Variants in RBPMS observed in about 807,000 individuals in gnomAD.
RBPMS encodes the protein RNA-binding protein with multiple splicing.
A neutral mutation model predicts 26.8 loss-of-function variants in RBPMS; 7 were observed. The observed-to-expected ratio is 0.26, with a 90% CI of 0.15 to 0.49. The LOEUF is 0.49. Among genes scored for constraint, RBPMS ranks in the 20% least tolerant of loss-of-function variants. The pLI is 0.98. For missense variants in RBPMS, 186 were observed against 250.0 expected, an observed-to-expected ratio of 0.74 and a Z score of 1.73; for synonymous variants, 96 against 93.3, an observed-to-expected ratio of 1.03 and a Z score of -0.17.
chr8:30,480,829 T>C (rs986657485), intron 4 of RBPMS, among the ~76,000 whole-genome samples: 1 of 152,264 alleles, frequency 6.6e-6, no homozygotes, highest in African/African-American at 2.4e-5. Context: ...TAGCAGTGTT[T>C]TATTTTAACC....
intron 4 of RBPMS, among the ~76,000 whole-genome samples, chr8:30,480,936 A>G (rs1818205036): frequency 6.6e-6 from 1 of 152,238 alleles, no homozygotes; most frequent in African/African-American, 2.4e-5. Flanking sequence ...TTACAAAGGA[A>G]GTAACAAGCA....
intron 6 of RBPMS, chr8:30,547,568 C>A: frequency 8.1e-7 from 1 of 1,231,778 alleles, no homozygotes; most frequent in African/African-American, 1.5e-5. Context: ...AATTTTGGAG[C>A]AAAGGTGTTA....
chr8:30,421,782 C>T (rs1325405977), intron 1 of RBPMS, among the ~76,000 whole-genome samples: 3 of 152,004 alleles, frequency 2.0e-5, no homozygotes, highest in Non-Finnish European at 4.4e-5. Flanking sequence ...TGGTGAAATC[C>T]CGTCTCTACT....
chr8:30,523,301 C>T (rs538884572), intron 5 of RBPMS, among the ~76,000 whole-genome samples: 22 of 151,244 alleles, frequency 1.5e-4, no homozygotes, highest in South Asian at 1.3e-3. Flanking sequence ...TGCTTGAACC[C>T]GAGAGGCGGA....
At position 30,504,161 on chromosome 8, in the gene RBPMS, A is replaced by G; in HGVS notation, c.247-125A>G. 3.3e-6 allele frequency: 3 copies of G among 904,636 alleles called. No individual in the cohort carries two copies. In the East Asian group the frequency reaches 7.2e-5, roughly 22 times the overall value. 56.0% of individuals were successfully genotyped at this position (904,636 alleles called of 1,614,324 possible). On this transcript the variant is annotated intron_variant, in intron 4 of 8. Coordinates refer to ENST00000397323, the MANE Select transcript of RBPMS (RefSeq NM_001008710.3). ...TCATGTAACCTGTGTAAGTAGTAAG[A>G]ATGAGAGTGGTTGCTGACCTTTTTT...
At position 30,544,570 on chromosome 8, in the gene RBPMS, A is replaced by G. The variant is rs781255393; in HGVS notation, c.474A>G (p.Leu158=). The G allele has an allele frequency of 9.9e-6, 16 of 1,614,184 alleles. No individual in the cohort carries two copies. The Admixed American group carries it at 2.7e-4, about 27-fold the overall frequency. ...WAPYPLYPAE[L]APALPPPAFT... Reference sequence around the variant, plus strand: ...CGTACCCTCTGTACCCAGCGGAGTTAGCGCCTGCTCTACCTCCTCCTGCTT... The same window carrying G: ...CGTACCCTCTGTACCCAGCGGAGTTGGCGCCTGCTCTACCTCCTCCTGCTT... Residue 158 remains leucine, a synonymous_variant, in exon 6 of 9, where the codon TTA becomes TTG. Coordinates refer to ENST00000397323, the MANE Select transcript of RBPMS (RefSeq NM_001008710.3).
At chr8:30,496,205 G>T (rs1475184160) in intron 4 of RBPMS, among the ~76,000 whole-genome samples, 1 of 144,292 alleles carries the variant, frequency 6.9e-6, no homozygotes, top group Non-Finnish European at 1.5e-5. Flanking sequence ...GTCTTGCTCT[G>T]TCTCCCAGGC....
intron 1 of RBPMS, among the ~76,000 whole-genome samples, chr8:30,425,949 G>C (rs1811310467): frequency 6.6e-6 from 1 of 152,180 alleles, no homozygotes; most frequent in Non-Finnish European, 1.5e-5. Flanking sequence ...CCAGGCGGCT[G>C]CTGACTCTTA....
chr8:30,533,952 T>C (rs1273221013), intron 5 of RBPMS, among the ~76,000 whole-genome samples: 1 of 151,956 alleles, frequency 6.6e-6, no homozygotes, highest in Non-Finnish European at 1.5e-5. Context: ...GCCTACATGA[T>C]TGAAACCCCG....
In RBPMS at chr8:30,437,406, G is replaced by A. The variant is rs907496805; in HGVS notation, c.67-37373G>A. ...GTGGTGGCTCATGCCTGTAATCCCA[G>A]CACTTTGGGAGGCTGAGGCAACAGG... is the stretch of plus-strand genomic sequence containing the variant. On this transcript the variant is annotated intron_variant, in intron 1 of 8. Transcript: ENST00000397323. 2.0e-5 allele frequency among the ~76,000 whole-genome samples: 3 copies of A among 151,714 alleles called. No homozygotes were observed. In the East Asian group the frequency reaches 5.9e-4, roughly 30 times the overall value.
chr8:30,476,014 A>G (rs1196505884), intron 2 of RBPMS, among the ~76,000 whole-genome samples: 3 of 152,142 alleles, frequency 2.0e-5, no homozygotes, highest in Non-Finnish European at 2.9e-5. Context: ...AAAAAGGACC[A>G]TTTTTCTATC....
Position 30,385,103 on chromosome 8 carries a change from G to A in RBPMS, c.11G>A (p.Gly4Asp). 2 of 1,524,846 alleles carry A rather than the reference G, an allele frequency of 1.3e-6. No homozygotes were observed. Among genetic ancestry groups the A allele is most frequent in the Non-Finnish European group, 1.8e-6 (2 of 1,137,510 alleles). The allele number at this position is 1,524,846 out of a possible 1,614,324, so 94.5% of individuals were successfully genotyped here. ...GGAAGGACCGGGAAGATGAACAACG[G>A]CGGCAAAGCCGAGAAGGAGAACACC... MNN[G>D]GKAEKENTPS... Residue 4 changes from glycine (G) to aspartate (D), a missense_variant, in exon 1 of 9, where the codon GGC becomes GAC. Around this residue, in one of 3 missense-constraint regions of RBPMS, gnomAD observed 38 missense variants for 27.8 expected, o/e 1.37. Coordinates refer to ENST00000397323, the MANE Select transcript of RBPMS (RefSeq NM_001008710.3).
intron 5 of RBPMS, among the ~76,000 whole-genome samples, chr8:30,521,876 C>T (rs1823074257): frequency 6.6e-6 from 1 of 152,052 alleles, no homozygotes; most frequent in African/African-American, 2.4e-5. Flanking sequence ...TTACCACATC[C>T]TCCAAAATCA....
In RBPMS at chr8:30,480,752, C is replaced by T. The variant is rs539465160; in HGVS notation, c.246+1375C>T. On this transcript the variant is annotated intron_variant, in intron 4 of 8. Coordinates refer to ENST00000397323, the MANE Select transcript of RBPMS (RefSeq NM_001008710.3). ...TGTTTTATGATTTTTGCATTGAATA[C>T]GTAAAAACCAGAATTTTCTCAGTAT... 1.2e-4 allele frequency among the ~76,000 whole-genome samples: 19 copies of T among 152,270 alleles called. 1 individual carries two copies. Among genetic ancestry groups the T allele is most frequent in the Non-Finnish European group, 4.4e-5 (3 of 68,018 alleles).
intron 6 of RBPMS, among the ~76,000 whole-genome samples, chr8:30,551,673 T>C (rs532746778): frequency 6.6e-6 from 1 of 152,262 alleles, no homozygotes; most frequent in Non-Finnish European, 1.5e-5. Flanking sequence ...CCGTCTGCGC[T>C]CGGCTCTTCC....
intron 5 of RBPMS, among the ~76,000 whole-genome samples, chr8:30,518,170 T>G (rs969679673): frequency 5.9e-5 from 9 of 152,094 alleles, no homozygotes; most frequent in Non-Finnish European, 1.0e-4. Context: ...ATGGAGACGT[T>G]TCTTGTGTTT....
chr8:30,511,487 ATATAT>A (rs1203064778), intron 5 of RBPMS, among the ~76,000 whole-genome samples: 18 of 12,688 alleles, frequency 1.4e-3, no homozygotes, highest in African/African-American at 3.0e-3. Flanking sequence ...AAAAAAAAAA[ATATAT>A]ATATATATAT....
chr8:30,538,572 C>T (rs1825054837), intron 5 of RBPMS, among the ~76,000 whole-genome samples: 1 of 152,154 alleles, frequency 6.6e-6, no homozygotes, highest in Non-Finnish European at 1.5e-5. Flanking sequence ...TTTTCATTAG[C>T]TTCTTTCATA....
chr8:30,441,947 G>C (rs1172145137), intron 1 of RBPMS, among the ~76,000 whole-genome samples: 1 of 152,020 alleles, frequency 6.6e-6, no homozygotes, highest in Admixed American at 6.6e-5. Context: ...GTGCCACCAG[G>C]TCCAGCTAAT....
Sources: allele counts gnomAD v4.1 joint callset (sites outside exome capture counted in the v4.1 genomes callset), GRCh38; gene constraint gnomAD v4.1.1; regional missense constraint gnomAD v4.1.1; transcripts MANE v1.5; gene names NCBI Gene and HGNC (gene_info 2026-07-23, HGNC 2026-07-21).